The following CHRDL2 variants were observed in gnomAD, a reference collection of about 807,000 sequenced individuals.
CHRDL2 encodes the protein chordin like 2.
A neutral mutation model predicts 54.3 loss-of-function variants in CHRDL2; 41 were observed. The ratio of observed to expected loss-of-function variants is 0.76; its 90% CI spans 0.59 to 0.98. The LOEUF (loss-of-function observed/expected upper bound fraction) is 0.98, where lower values mean the gene tolerates loss of function less well. CHRDL2 is among the 50% of genes least tolerant of loss of function. The pLI is 0.00. For missense variants in CHRDL2, 518 were observed against 562.4 expected (o/e 0.92, Z 0.80); for synonymous variants, 220 against 224.3 (o/e 0.98, Z 0.17).
chr11:74,704,272 C>A (rs1188192571), intron 7 of CHRDL2, among the ~76,000 whole-genome samples: 1 of 152,176 alleles, frequency 6.6e-6, no homozygotes, highest in Non-Finnish European at 1.5e-5. Flanking sequence ...TACTCTGAAC[C>A]TCAGTGTCCT....
At chr11:74,703,030 A>C (rs537587804) in intron 8 of CHRDL2, 63 bp from the exon 9 acceptor site, 4 of 1,454,450 alleles carry the variant, frequency 2.8e-6, no homozygotes, top group Non-Finnish European at 3.7e-6. Context: ...TCAAAGCTCT[A>C]ATATTCTAAA....
intron 2 of CHRDL2, among the ~76,000 whole-genome samples, chr11:74,715,461 G>A (rs911710183): frequency 1.3e-5 from 2 of 151,796 alleles, no homozygotes; most frequent in Admixed American, 6.6e-5. Flanking sequence ...AAAATTAGCC[G>A]GGCAGTAGTG....
intron 1 of CHRDL2, among the ~76,000 whole-genome samples, chr11:74,723,474 T>C (rs1013184394): frequency 6.6e-6 from 1 of 152,222 alleles, no homozygotes; most frequent in Non-Finnish European, 1.5e-5. Flanking sequence ...ATCCTTACTG[T>C]AGATCTTAGC....
intron 3 of CHRDL2, 149 bp from the exon 4 acceptor site, chr11:74,711,140 C>T (rs1373370213): frequency 1.4e-5 from 12 of 870,152 alleles, no homozygotes; most frequent in Non-Finnish European, 1.7e-5. Flanking sequence ...GCCAGCCATT[C>T]CCCTTATCAG....
At chr11:74,725,326 A>G (rs1426569221) in intron 1 of CHRDL2, among the ~76,000 whole-genome samples, 1 of 152,192 alleles carries the variant, frequency 6.6e-6, no homozygotes, top group Non-Finnish European at 1.5e-5. Context: ...GGAGTAGTTC[A>G]TTATATGGGA....
intron 2 of CHRDL2, 42 bp from the exon 3 acceptor site, chr11:74,713,521 C>T (rs781414625): frequency 4.0e-6 from 6 of 1,486,030 alleles, no homozygotes; most frequent in Admixed American, 3.4e-5. Context: ...AAAGAACCAT[C>T]GTCTTCCACC....
At chr11:74,718,582 T>C (rs776632566) in intron 2 of CHRDL2, 138 bp downstream of exon 2, 6 of 627,744 alleles carry the variant, frequency 9.6e-6, no homozygotes, top group East Asian at 2.8e-5. Flanking sequence ...TAGTCAGTAG[T>C]GAAGTGGCTT....
intron 1 of CHRDL2, among the ~76,000 whole-genome samples, chr11:74,722,886 A>AC: frequency 6.6e-6 from 1 of 152,214 alleles, no homozygotes; most frequent in Non-Finnish European, 1.5e-5. Flanking sequence ...GAGGCAAGAG[A>AC]CCAGTCTGGA....
intron 2 of CHRDL2, among the ~76,000 whole-genome samples, chr11:74,717,242 A>G (rs1274166396): frequency 1.3e-5 from 2 of 152,190 alleles, no homozygotes; most frequent in Non-Finnish European, 2.9e-5. Flanking sequence ...TAGGGGGAGC[A>G]GTGATGGTGG....
chr11:74,709,465 G>A (rs1422030822), intron 4 of CHRDL2, among the ~76,000 whole-genome samples: 3 of 152,128 alleles, frequency 2.0e-5, no homozygotes, highest in Non-Finnish European at 4.4e-5. Context: ...CTTCTCCTAG[G>A]GTCATTCGGG....
intron 3 of CHRDL2, among the ~76,000 whole-genome samples, chr11:74,711,444 G>A (rs993872109): frequency 1.3e-5 from 2 of 152,188 alleles, no homozygotes; most frequent in Non-Finnish European, 2.9e-5. Flanking sequence ...CAGCTGGCAT[G>A]ATTGTCCCTG....
intron 1 of CHRDL2, among the ~76,000 whole-genome samples, chr11:74,728,545 TG>T (rs1365992454): frequency 2.0e-4 from 31 of 151,780 alleles, no homozygotes; most frequent in African/African-American, 7.3e-4. Context: ...TTGTTGTTGT[TG>T]TTGTTTTTTA....
rs1386695656 is a variant in CHRDL2 at position 74,730,835 on chromosome 11, C to G, written c.54G>C (p.Trp18Cys). 5.0e-6 allele frequency: 8 copies of G among 1,612,806 alleles called. No individual in the cohort carries two copies. Among genetic ancestry groups the G allele is most frequent in the Non-Finnish European group, 6.8e-6 (8 of 1,179,654 alleles). The change falls in exon 1 of 11, where the codon TGG becomes TGC. Residue 18 changes from tryptophan to cysteine, a missense_variant. Transcript: ENST00000376332. The stretch of plus-strand genomic sequence containing the variant: ...CTCGAGCGTGGGAGTCCAGGGGGAA[C>G]CAGAGCAGCGCGAGTCCCAGCAAGG... ...LSSLLGLALL[W>C]FPLDSHARAR... is the part of the protein sequence containing the mutation.
intron 5 of CHRDL2, 67 bp downstream of exon 5, chr11:74,708,235 C>T (rs2034071672): frequency 1.8e-6 from 2 of 1,139,968 alleles, no homozygotes; most frequent in Non-Finnish European, 2.4e-6. Flanking sequence ...ACGGCTCTCA[C>T]AGTCCATGGC....
intron 4 of CHRDL2, 64 bp from the exon 5 acceptor site, chr11:74,708,459 A>T (rs2034085526): frequency 8.1e-7 from 1 of 1,235,048 alleles, no homozygotes; most frequent in Non-Finnish European, 1.1e-6. Flanking sequence ...GGGGGCTAGG[A>T]ACACCCCCTT....
At chr11:74,697,322 G>A (rs1174093213) in intron 9 of CHRDL2, 25 bp from the exon 10 acceptor site, 2 of 1,586,110 alleles carry the variant, frequency 1.3e-6, no homozygotes, top group Non-Finnish European at 1.7e-6. Flanking sequence ...AAGGATGTGA[G>A]CAGGCAAGGC....
intron 1 of CHRDL2, among the ~76,000 whole-genome samples, chr11:74,720,687 T>C (rs929326894): frequency 6.6e-6 from 1 of 152,208 alleles, no homozygotes; most frequent in African/African-American, 2.4e-5. Flanking sequence ...TGAAACAGAA[T>C]CGCAGAGCAT....
chr11:74,720,521 CA>C (rs2135273471), intron 1 of CHRDL2, among the ~76,000 whole-genome samples: 1 of 152,248 alleles, frequency 6.6e-6, no homozygotes, highest in Non-Finnish European at 1.5e-5. Flanking sequence ...CTCTCTGCCC[CA>C]CCAGCCACCA....
chr11:74,710,946 T>G lies in CHRDL2; in HGVS notation c.335A>C (p.Gln112Pro). Residue 112 changes from glutamine to proline, a missense_variant, in exon 4 of 11, where the codon CAG becomes CCG. Physicochemically the swap from Gln to Pro is moderately conservative, Grantham distance 76. Coordinates refer to ENST00000376332, the MANE Select transcript of CHRDL2 (RefSeq NM_001278473.3). ...SGLRAPPKSC[Q>P]HNGTMYQHGE... ...GTGTTGGTACATGGTCCCGTTGTGCTGGCAGGACTTTGGTGGGGCCCGGAG... is the reference window on the plus strand; with the variant it reads ...GTGTTGGTACATGGTCCCGTTGTGCGGGCAGGACTTTGGTGGGGCCCGGAG... 1 of 1,614,102 alleles carries G rather than the reference T, an allele frequency of 6.2e-7. No individual in the cohort carries two copies. The highest frequency in any genetic ancestry group is 8.5e-7 in the Non-Finnish European group (1 of 1,180,004).
Sources: allele counts gnomAD v4.1 joint callset (sites outside exome capture counted in the v4.1 genomes callset), GRCh38; gene constraint gnomAD v4.1.1; transcripts MANE v1.5; gene names NCBI Gene and HGNC (gene_info 2026-07-23, HGNC 2026-07-21).